GPRIN3: variants seen among roughly 807,000 people sequenced by gnomAD.
The protein encoded by GPRIN3 is G protein-regulated inducer of neurite outgrowth 3.
Under a neutral mutation model 13.7 loss-of-function variants are expected in GPRIN3, and 12 were observed. The ratio of observed to expected loss-of-function variants is 0.87; its 90% CI spans 0.56 to 1.42. The LOEUF (loss-of-function observed/expected upper bound fraction) is 1.42, where lower values mean the gene tolerates loss of function less well. Among genes scored for constraint, GPRIN3 ranks in the 40% most tolerant of loss-of-function variants. The pLI, the probability that GPRIN3 is intolerant of heterozygous loss-of-function variation, is 0.00. For missense variants in GPRIN3, 1,009 were observed against 958.7 expected (o/e 1.05, Z -0.69); for synonymous variants, 377 against 372.7 (o/e 1.01, Z -0.13).
At chr4:89,275,905 G>C (rs1054724469) in intron 1 of GPRIN3, among the ~76,000 whole-genome samples, 1 of 152,122 alleles carries the variant, frequency 6.6e-6, no homozygotes, top group African/African-American at 2.4e-5. Context: ...ACCTTAATGG[G>C]GGTCAGTTTT....
chr4:89,270,299 C>G (rs35855515), intron 1 of GPRIN3, among the ~76,000 whole-genome samples: 1 of 150,980 alleles, frequency 6.6e-6, no homozygotes, highest in Non-Finnish European at 1.5e-5. Flanking sequence ...AAGTAAGTCT[C>G]TCTGCAATTC....
chr4:89,277,163 CT>C (rs1724117294), intron 1 of GPRIN3, among the ~76,000 whole-genome samples: 1 of 152,106 alleles, frequency 6.6e-6, no homozygotes, highest in Non-Finnish European at 1.5e-5. Flanking sequence ...ATTGTAGTGG[CT>C]TTTGGGGTCA....
intron 1 of GPRIN3, among the ~76,000 whole-genome samples, chr4:89,261,539 G>A (rs1473237854): frequency 6.6e-6 from 1 of 152,164 alleles, no homozygotes; most frequent in Non-Finnish European, 1.5e-5. Flanking sequence ...CTGTGAGAAT[G>A]CAAGTTAGTA....
At chr4:89,294,916 A>G (rs185720288) in intron 1 of GPRIN3, among the ~76,000 whole-genome samples, 13 of 152,346 alleles carry the variant, frequency 8.5e-5, no homozygotes, top group Non-Finnish European at 1.8e-4. Context: ...AGGAAAAATA[A>G]TCATATACTT....
intron 1 of GPRIN3, among the ~76,000 whole-genome samples, chr4:89,258,339 C>T (rs918813677): frequency 7.3e-5 from 11 of 151,640 alleles, no homozygotes; most frequent in African/African-American, 2.7e-4. Context: ...GCCTCAGTCT[C>T]CCGAGTAGCT....
intron 1 of GPRIN3, among the ~76,000 whole-genome samples, chr4:89,305,857 A>G (rs1313032062): frequency 1.3e-5 from 2 of 152,230 alleles, no homozygotes; most frequent in African/African-American, 4.8e-5. Flanking sequence ...TCTGACTCAT[A>G]CAACGCCTCA....
chr4:89,297,337 G>C (rs1724765825), intron 1 of GPRIN3, among the ~76,000 whole-genome samples: 1 of 152,082 alleles, frequency 6.6e-6, no homozygotes, highest in African/African-American at 2.4e-5. Context: ...CATGTATTAG[G>C]GTTCTCTTAT....
intron 1 of GPRIN3, among the ~76,000 whole-genome samples, chr4:89,302,945 C>T (rs1384612769): frequency 6.6e-6 from 1 of 151,298 alleles, no homozygotes; most frequent in African/African-American, 2.4e-5. Context: ...CTTAACTGGC[C>T]CTGGTCTTCT....
intron 1 of GPRIN3, among the ~76,000 whole-genome samples, chr4:89,294,683 A>G (rs1483402098): frequency 6.6e-6 from 1 of 152,194 alleles, no homozygotes; most frequent in Non-Finnish European, 1.5e-5. Flanking sequence ...TGAGCAAACA[A>G]CCACAACCAA....
At chr4:89,286,351 T>C (rs1459949068) in intron 1 of GPRIN3, among the ~76,000 whole-genome samples, 1 of 152,166 alleles carries the variant, frequency 6.6e-6, no homozygotes, top group Non-Finnish European at 1.5e-5. Flanking sequence ...GGTATAATGA[T>C]GGTCTGCAAA....
rs1388060540 is a variant in GPRIN3, at chr4:89,242,513, AAC to A, written c.*5265_*5266del. On this transcript the variant is annotated 3_prime_UTR_variant, in exon 2 of 2. Coordinates refer to ENST00000609438, the MANE Select transcript of GPRIN3 (RefSeq NM_198281.3). ...CCTCTTCCCTCTGGGCTCACATAAAAACATAGATGCCAACTGTATCCTGACTA... is the reference window on the plus strand; with the variant it reads ...CCTCTTCCCTCTGGGCTCACATAAAAATAGATGCCAACTGTATCCTGACTA... 2.0e-5 allele frequency: 3 copies of A among 152,192 alleles called. No homozygotes were observed. The highest frequency in any genetic ancestry group is 7.2e-5 in the African/African-American group (3 of 41,452). The allele number at this position is 152,192 out of a possible 1,614,324, so 9.4% of individuals were successfully genotyped here.
chr4:89,251,293 C>A (rs1302396807), intron 1 of GPRIN3: 1 of 151,990 alleles, frequency 6.6e-6, no homozygotes, highest in East Asian at 1.9e-4. Flanking sequence ...TCTGCAAAAT[C>A]TTAAAAAAAA....
intron 1 of GPRIN3, among the ~76,000 whole-genome samples, chr4:89,278,780 T>G (rs28702922): frequency 0.15 from 22,302 of 152,186 alleles, 3,511 homozygotes; most frequent in African/African-American, 0.4. Context: ...TTAGGGTATG[T>G]CTAAATATGG....
chr4:89,275,136 C>CTGTGTGTGTGTGTGTGTGTGTG (rs56091424), intron 1 of GPRIN3, among the ~76,000 whole-genome samples: 9 of 149,148 alleles, frequency 6.0e-5, no homozygotes, highest in African/African-American at 2.0e-4. Context: ...CTAAGTAACT[C>CTGTGTGTGTGTGTGTGTGTGTG]TGTGTGTGTG....
intron 1 of GPRIN3, among the ~76,000 whole-genome samples, chr4:89,254,615 T>C (rs192852880): frequency 6.6e-6 from 1 of 152,346 alleles, no homozygotes; most frequent in Non-Finnish European, 1.5e-5. Context: ...ATTTTCTTTA[T>C]CCAGTTTATC....
At chr4:89,282,847 G>A (rs1724291045) in intron 1 of GPRIN3, among the ~76,000 whole-genome samples, 1 of 152,108 alleles carries the variant, frequency 6.6e-6, no homozygotes, top group African/African-American at 2.4e-5. Flanking sequence ...CAGTCTCAGA[G>A]TCTACATCGA....
At chr4:89,255,578 G>C (rs1279984701) in intron 1 of GPRIN3, among the ~76,000 whole-genome samples, 1 of 152,110 alleles carries the variant, frequency 6.6e-6, no homozygotes, top group Non-Finnish European at 1.5e-5. Flanking sequence ...TTGTGGTGGG[G>C]GGCAGGTGTG....
rs149983397 is a variant in GPRIN3, at chr4:89,249,899, T to C, written c.212A>G (p.His71Arg). The change falls in exon 2 of 2, where the codon CAT (histidine) becomes CGT (arginine). Residue 71 changes from histidine (H) to arginine (R), a missense_variant. By Grantham distance (29) the His-to-Arg change is conservative. Coordinates refer to ENST00000609438, the MANE Select transcript of GPRIN3 (RefSeq NM_198281.3). ...AGACATATCTGGTTGGGTGGTCTCATGCTCACAAACCTGCATCAGGGCTTC... is the reference window on the plus strand; with the variant it reads ...AGACATATCTGGTTGGGTGGTCTCACGCTCACAAACCTGCATCAGGGCTTC... ...AAEALMQVCE[H>R]ETTQPDMSSP... 1.9e-6 allele frequency: 3 copies of C among 1,614,242 alleles called. No individual in the cohort carries two copies. The South Asian group carries it at 3.3e-5, about 18-fold the overall frequency.
chr4:89,285,551 C>A (rs1312054239), intron 1 of GPRIN3, among the ~76,000 whole-genome samples: 2 of 152,112 alleles, frequency 1.3e-5, no homozygotes, highest in African/African-American at 4.8e-5. Context: ...ATAGAATAAC[C>A]AAAAGATCAT....
Sources: gnomAD v4.1 joint callset for allele counts (sites outside exome capture counted in the v4.1 genomes callset) on GRCh38, gnomAD v4.1.1 for gene constraint, MANE v1.5 for transcripts, NCBI Gene and HGNC (gene_info 2026-07-23, HGNC 2026-07-21) for gene names.